PTPRG: variants seen among roughly 807,000 people sequenced by gnomAD.
PTPRG encodes receptor-type tyrosine-protein phosphatase gamma.
Under a neutral mutation model 165.3 loss-of-function variants are expected in PTPRG, and 102 were observed. The observed-to-expected ratio is 0.62, with a 90% CI of 0.53 to 0.73. The LOEUF (loss-of-function observed/expected upper bound fraction) is 0.73. PTPRG is among the 30% of genes least tolerant of loss of function. The probability of loss-of-function intolerance (pLI) is 0.00; values close to 1 mark genes in which losing one functional copy is unlikely to be tolerated. For synonymous variants in PTPRG, 675 were observed against 669.5 expected, an observed-to-expected ratio of 1.01 and a Z score of -0.13; for missense variants, 1,866 against 1,861.4, an observed-to-expected ratio of 1.00 and a Z score of -0.05.
intron 7 of PTPRG, among the ~76,000 whole-genome samples, chr3:62,166,145 A>G (rs549373811): frequency 1.5e-4 from 13 of 84,790 alleles, no homozygotes; most frequent in South Asian, 4.0e-4. Context: ...TCTTCATTCT[A>G]TTTTCTTCTC....
chr3:62,282,477 A>C (rs1485365963), intron 27 of PTPRG, among the ~76,000 whole-genome samples: 3 of 149,586 alleles, frequency 2.0e-5, no homozygotes, highest in Non-Finnish European at 4.5e-5. Context: ...CAATCCTCCC[A>C]CCTTGGCCTC....
intron 2 of PTPRG, among the ~76,000 whole-genome samples, chr3:61,790,604 A>G (rs1262386440): frequency 6.6e-6 from 1 of 152,204 alleles, no homozygotes; most frequent in Non-Finnish European, 1.5e-5. Context: ...TTCCCTATGT[A>G]TACACATGAG....
intron 2 of PTPRG, among the ~76,000 whole-genome samples, chr3:61,816,980 A>ATATATTATATATATAT: frequency 7.5e-6 from 1 of 132,890 alleles, no homozygotes; most frequent in African/African-American, 2.8e-5. Context: ...TCACTTATAT[A>ATATATTATATATATAT]TATATTATAT....
At chr3:61,626,031 C>A (rs77002483) in intron 1 of PTPRG, among the ~76,000 whole-genome samples, 1 of 40,660 alleles carries the variant, frequency 2.5e-5, no homozygotes, top group African/African-American at 1.9e-4. Flanking sequence ...TTTGGGGGGG[C>A]GGGAGAGATC....
At chr3:61,903,890 C>T (rs537552769) in intron 2 of PTPRG, among the ~76,000 whole-genome samples, 2 of 152,262 alleles carry the variant, frequency 1.3e-5, no homozygotes, top group South Asian at 2.1e-4. Context: ...TAATTAAGCA[C>T]GGATGGCTCT....
chr3:62,201,800 T>C (rs1337577299), intron 11 of PTPRG, among the ~76,000 whole-genome samples: 1 of 152,246 alleles, frequency 6.6e-6, no homozygotes, highest in African/African-American at 2.4e-5. Flanking sequence ...TTTTTAGTTA[T>C]GATTTGTGGG....
rs944186579 is a variant in PTPRG at position 62,201,548 on chromosome 3, A to G, written c.1371A>G (p.Thr457=). The G allele has an allele frequency of 7.4e-6, 12 of 1,611,118 alleles. No homozygotes were observed. In the Admixed American group the frequency reaches 1.2e-4, roughly 16 times the overall value. ...TCCAAGGGACCAGAATAGTGAAAAC[A>G]GGAGTGGTAAGTAGAGAATGGGAAA... is the stretch of plus-strand genomic sequence containing the variant. ...RIFQGTRIVK[T]GVPTASPASS... The change falls in exon 11 of 30, where the codon ACA becomes ACG. Residue 457 remains threonine (T), a synonymous_variant. Transcript: ENST00000474889.
chr3:61,587,413 CT>C (rs949572750), intron 1 of PTPRG, among the ~76,000 whole-genome samples: 2 of 149,950 alleles, frequency 1.3e-5, no homozygotes, highest in Admixed American at 6.7e-5. Context: ...CAAACACACA[CT>C]TTTTTTTTTC....
intron 6 of PTPRG, among the ~76,000 whole-genome samples, chr3:62,149,286 T>TCC (rs1553641972): frequency 1.1e-4 from 16 of 148,226 alleles, no homozygotes; most frequent in Middle Eastern, 3.5e-3. Flanking sequence ...TTTTTTTTTT[T>TCC]CCCTCAAGGC....
intron 6 of PTPRG, among the ~76,000 whole-genome samples, chr3:62,151,982 C>G (rs1704353403): frequency 6.6e-6 from 1 of 152,154 alleles, no homozygotes; most frequent in Non-Finnish European, 1.5e-5. Context: ...TAACCCTTCT[C>G]AAGTCAAACC....
intron 1 of PTPRG, among the ~76,000 whole-genome samples, chr3:61,583,204 A>T (rs745425224): frequency 1.3e-5 from 2 of 152,130 alleles, no homozygotes; most frequent in Non-Finnish European, 2.9e-5. Context: ...GAGATTTGAG[A>T]GGCTTGGGAG....
chr3:62,197,695 A>T (rs1276684169), intron 10 of PTPRG, among the ~76,000 whole-genome samples: 6 of 152,324 alleles, frequency 3.9e-5, no homozygotes, highest in African/African-American at 1.4e-4. Context: ...AAGAGCCTAG[A>T]ATCTGCAGAA....
chr3:62,045,701 T>C (rs565409425), intron 4 of PTPRG, among the ~76,000 whole-genome samples: 1 of 152,358 alleles, frequency 6.6e-6, no homozygotes, highest in South Asian at 2.1e-4. Flanking sequence ...TTGAATAAAA[T>C]GTGTTAGGTC....
At chr3:61,962,601 G>A (rs1413085814) in intron 2 of PTPRG, among the ~76,000 whole-genome samples, 2 of 152,124 alleles carry the variant, frequency 1.3e-5, no homozygotes, top group African/African-American at 4.8e-5. Context: ...CACACCCTTT[G>A]GGAAGTATAG....
chr3:62,065,906 G>A (rs905287520), intron 4 of PTPRG, among the ~76,000 whole-genome samples: 2 of 152,206 alleles, frequency 1.3e-5, no homozygotes, highest in Non-Finnish European at 1.5e-5. Flanking sequence ...GTGTGGTTTG[G>A]ATTTATAGAA....
At chr3:61,777,234 C>T (rs548549634) in intron 2 of PTPRG, among the ~76,000 whole-genome samples, 27 of 152,334 alleles carry the variant, frequency 1.8e-4, no homozygotes, top group Non-Finnish European at 3.7e-4. Flanking sequence ...CTATGCTGTG[C>T]TGTCTAACAC....
chr3:62,282,050 T>C (rs961051096), intron 27 of PTPRG, among the ~76,000 whole-genome samples: 1 of 152,040 alleles, frequency 6.6e-6, no homozygotes, highest in Non-Finnish European at 1.5e-5. Context: ...TTTAAGTAAA[T>C]ATTTTGCTGC....
intron 2 of PTPRG, among the ~76,000 whole-genome samples, chr3:61,923,338 T>C (rs1447239140): frequency 1.3e-5 from 2 of 152,212 alleles, no homozygotes; most frequent in Non-Finnish European, 2.9e-5. Context: ...GCTGTTCCTA[T>C]GCATATCTTT....
Position 62,213,698 on chromosome 3 carries a change from T to G in PTPRG, c.2156-5153T>G, listed in dbSNP as rs528715053. Among the ~76,000 whole-genome samples, 1 of 152,184 alleles carries G rather than the reference T, an allele frequency of 6.6e-6. No homozygotes were observed. The highest frequency in any genetic ancestry group is 1.5e-5 in the Non-Finnish European group (1 of 68,038). On this transcript the variant is annotated intron_variant, in intron 12 of 29. Coordinates refer to ENST00000474889, the MANE Select transcript of PTPRG (RefSeq NM_002841.4). The surrounding 1 kb of genome is among the most constrained non-coding windows in gnomAD (Gnocchi z 4.4). The stretch of plus-strand genomic sequence containing the variant: ...GCTGCAGCTGTTGTACCGAAAGGCC[T>G]ACAGCATGTTCTGGTCTCTGGAGGC...
Sources: gnomAD v4.1 joint callset for allele counts (sites outside exome capture counted in the v4.1 genomes callset) on GRCh38, gnomAD v4.1.1 for gene constraint, Gnocchi (gnomAD v3.1) non-coding constraint, MANE v1.5 for transcripts, NCBI Gene and HGNC (gene_info 2026-07-23, HGNC 2026-07-21) for gene names.